NAALADL2: variants seen among roughly 807,000 people sequenced by gnomAD.
NAALADL2 encodes N-acetylated alpha-linked acidic dipeptidase like 2.
NAALADL2 carries 76 observed loss-of-function variants against 87.2 expected under a neutral mutation model. The observed-to-expected ratio is 0.87, with a 90% CI of 0.72 to 1.05. The LOEUF (loss-of-function observed/expected upper bound fraction) is 1.05, where lower values mean the gene tolerates loss of function less well. NAALADL2 is among the 50% of genes least tolerant of loss of function. The probability of loss-of-function intolerance (pLI) is 0.00; values close to 1 mark genes in which losing one functional copy is unlikely to be tolerated. For missense variants in NAALADL2, 1,089 were observed against 945.8 expected (o/e 1.15, Z -1.99); for synonymous variants, 354 against 331.0 (o/e 1.07, Z -0.75).
intron 3 of NAALADL2, among the ~76,000 whole-genome samples, chr3:174,766,118 T>G (rs919802005): frequency 2.0e-5 from 3 of 152,254 alleles, no homozygotes; most frequent in African/African-American, 7.2e-5. Flanking sequence ...TTCTGCTTTC[T>G]CTGGGGAATG....
rs1182682303 is a variant in NAALADL2, at chr3:175,667,241, A to AAGAAAGAAAGAG, written c.1896+39856_1896+39857insGAAAGAAAGAGA. Among the ~76,000 whole-genome samples the AAGAAAGAAAGAG allele has an allele frequency of 5.4e-4, 50 of 91,786 alleles. 1 individual carries two copies. The highest frequency in any genetic ancestry group is 3.0e-3 in the South Asian group (8 of 2,672). 60.2% of individuals were successfully genotyped at this position (91,786 alleles called of 152,430 possible). A position where few individuals can be genotyped will look rare whatever the true frequency, so the allele number is the denominator to read the frequency against. ...AAAGAAAGAAAGAAAGAAAGAAAGA[A>AAGAAAGAAAGAG]AAAGAAAGAAAGAAAGAAAGAAAGG... On this transcript the variant is annotated intron_variant, in intron 11 of 13. Coordinates refer to ENST00000454872, the MANE Select transcript of NAALADL2 (RefSeq NM_207015.3).
chr3:175,009,555 A>G (rs534530385), intron 1 of NAALADL2, among the ~76,000 whole-genome samples: 1 of 152,222 alleles, frequency 6.6e-6, no homozygotes, highest in Admixed American at 6.5e-5. Context: ...AAAAGAATTT[A>G]CTCTGCTGCC....
chr3:174,500,981 C>G (rs1718841816), intron 1 of NAALADL2, among the ~76,000 whole-genome samples: 2 of 151,810 alleles, frequency 1.3e-5, no homozygotes, highest in African/African-American at 4.8e-5. Flanking sequence ...CTCAGCCTTC[C>G]GAGTAGCTGG....
intron 9 of NAALADL2, among the ~76,000 whole-genome samples, chr3:175,534,482 G>A (rs1734531092): frequency 6.6e-6 from 1 of 152,110 alleles, no homozygotes; most frequent in African/African-American, 2.4e-5. Flanking sequence ...TTTTCTGCCT[G>A]CTTTAAAAGT....
At chr3:174,708,716 A>G (rs1239409631) in intron 2 of NAALADL2, among the ~76,000 whole-genome samples, 1 of 152,174 alleles carries the variant, frequency 6.6e-6, no homozygotes, top group Admixed American at 6.5e-5. Flanking sequence ...TCTTTTTACA[A>G]TGACCTTTTC....
chr3:174,792,241 G>T (rs1717547770), intron 3 of NAALADL2, among the ~76,000 whole-genome samples: 1 of 146,868 alleles, frequency 6.8e-6, no homozygotes, highest in African/African-American at 2.5e-5. Context: ...AAGAGAGAAA[G>T]AAGACGAAGA....
At chr3:174,986,638 G>A (rs988425381) in intron 1 of NAALADL2, among the ~76,000 whole-genome samples, 1 of 152,016 alleles carries the variant, frequency 6.6e-6, no homozygotes. Flanking sequence ...AGTATTATAA[G>A]GTGGCTCTCT....
At chr3:175,529,944 A>G (rs1394416519) in intron 9 of NAALADL2, among the ~76,000 whole-genome samples, 14 of 152,166 alleles carry the variant, frequency 9.2e-5, no homozygotes, top group Non-Finnish European at 2.1e-4. Context: ...GGCACCAGGT[A>G]GCTAATTGAT....
At chr3:175,343,398 A>G (rs933095066) in intron 5 of NAALADL2, among the ~76,000 whole-genome samples, 1 of 152,080 alleles carries the variant, frequency 6.6e-6, no homozygotes. Flanking sequence ...TTAACAAATT[A>G]TATGTAGTAA....
chr3:175,113,505 G>T (rs1704166243), intron 2 of NAALADL2, among the ~76,000 whole-genome samples: 1 of 151,428 alleles, frequency 6.6e-6, no homozygotes, highest in Admixed American at 6.6e-5. Context: ...TCTTTGAAAG[G>T]TCCCATATTT....
At chr3:175,042,131 A>G (rs1754143198) in intron 1 of NAALADL2, among the ~76,000 whole-genome samples, 1 of 152,080 alleles carries the variant, frequency 6.6e-6, no homozygotes, top group Non-Finnish European at 1.5e-5. Flanking sequence ...CTTCTGATTT[A>G]GACTTTTTTT....
intron 3 of NAALADL2, among the ~76,000 whole-genome samples, chr3:174,788,175 T>A (rs1717032070): frequency 6.6e-6 from 1 of 152,146 alleles, no homozygotes; most frequent in East Asian, 1.9e-4. Flanking sequence ...AACATCCTGT[T>A]GGGGGACAAT....
rs1721983922 is a variant in NAALADL2 at position 175,100,652 on chromosome 3, A to G, written c.545+3361A>G. 1.3e-5 allele frequency among the ~76,000 whole-genome samples: 2 copies of G among 152,084 alleles called. 1 individual carries two copies. Among genetic ancestry groups the G allele is most frequent in the South Asian group, 4.1e-4 (2 of 4,820 alleles). Reference sequence around the variant, plus strand: ...CAGGAGTTCAAGACCAGCCTGGCCAACATGGCGAAACTCCGTCTCTACTAA... The same window carrying G: ...CAGGAGTTCAAGACCAGCCTGGCCAGCATGGCGAAACTCCGTCTCTACTAA... On this transcript the variant is annotated intron_variant, in intron 2 of 13. Transcript: ENST00000454872.
chr3:174,844,624 A>C (rs780840153), intron 3 of NAALADL2, among the ~76,000 whole-genome samples: 7 of 152,024 alleles, frequency 4.6e-5, no homozygotes, highest in Admixed American at 2.6e-4. Flanking sequence ...TCCAATCCGT[A>C]AACATTGAAT....
chr3:174,682,052 T>C (rs938062890), intron 2 of NAALADL2, among the ~76,000 whole-genome samples: 10 of 151,932 alleles, frequency 6.6e-5, no homozygotes, highest in African/African-American at 1.9e-4. Flanking sequence ...AGAGTGCTTG[T>C]ACAACTCACC....
At chr3:174,921,976 G>A (rs1384815712) in intron 1 of NAALADL2, among the ~76,000 whole-genome samples, 1 of 151,692 alleles carries the variant, frequency 6.6e-6, no homozygotes, top group Non-Finnish European at 1.5e-5. Context: ...GTTTTGTCAT[G>A]AAAAAAACAT....
At chr3:174,782,619 A>C (rs774121362) in intron 3 of NAALADL2, among the ~76,000 whole-genome samples, 11 of 151,960 alleles carry the variant, frequency 7.2e-5, no homozygotes, top group Non-Finnish European at 1.5e-4. Flanking sequence ...AATACCCGAG[A>C]CTGCGTAATT....
chr3:174,482,592 T>C (rs531944919), intron 1 of NAALADL2, among the ~76,000 whole-genome samples: 1 of 152,214 alleles, frequency 6.6e-6, no homozygotes, highest in Non-Finnish European at 1.5e-5. Flanking sequence ...TTGTTTCATT[T>C]TTCCAGTATT....
intron 5 of NAALADL2, among the ~76,000 whole-genome samples, chr3:175,388,352 A>T (rs1273844817): frequency 6.6e-6 from 1 of 152,094 alleles, no homozygotes; most frequent in Non-Finnish European, 1.5e-5. Context: ...CTTAGTTTAA[A>T]TGTTTTCTGG....
Sources: allele counts gnomAD v4.1 joint callset (sites outside exome capture counted in the v4.1 genomes callset), GRCh38; gene constraint gnomAD v4.1.1; transcripts MANE v1.5; gene names NCBI Gene and HGNC (gene_info 2026-07-23, HGNC 2026-07-21).